The following TMC1 variants were observed in gnomAD, a reference collection of about 807,000 sequenced individuals.
TMC1 encodes transmembrane channel like 1, also known as transmembrane channel-like protein 1.
Under a neutral mutation model 105.8 loss-of-function variants are expected in TMC1, and 84 were observed. The ratio of observed to expected loss-of-function variants is 0.79; its 90% confidence interval spans 0.67 to 0.95. The LOEUF (loss-of-function observed/expected upper bound fraction) is 0.95. Among genes scored for constraint, TMC1 ranks in the 40% least tolerant of loss-of-function variants. The probability of loss-of-function intolerance (pLI) is 0.00; values close to 1 mark genes in which losing one functional copy is unlikely to be tolerated. For missense variants in TMC1, 817 were observed against 914.1 expected, an observed-to-expected ratio of 0.89 and a Z score of 1.37; for synonymous variants, 315 against 311.5, an observed-to-expected ratio of 1.01 and a Z score of -0.12.
chr9:72,554,746 A>G (rs1408383900), intron 1 of TMC1, among the ~76,000 whole-genome samples: 2 of 152,182 alleles, frequency 1.3e-5, no homozygotes, highest in Non-Finnish European at 2.9e-5. Flanking sequence ...TGTGATTTAT[A>G]AGGGGCTTTC....
chr9:72,815,353 A>T (rs562853454), intron 18 of TMC1, among the ~76,000 whole-genome samples: 3 of 152,156 alleles, frequency 2.0e-5, no homozygotes, highest in Non-Finnish European at 4.4e-5. Flanking sequence ...TATCCAAGAC[A>T]TGGAGACTGG....
chr9:72,763,787 T>A (rs549054206), intron 12 of TMC1, among the ~76,000 whole-genome samples: 44 of 148,584 alleles, frequency 3.0e-4, no homozygotes, highest in South Asian at 1.0e-3. Flanking sequence ...ACTAATTATT[T>A]TTTTTTTTTC....
chr9:72,744,832 A>G (rs1827462890), intron 10 of TMC1, among the ~76,000 whole-genome samples: 1 of 152,260 alleles, frequency 6.6e-6, no homozygotes, highest in East Asian at 1.9e-4. Context: ...CCAGTGAAAC[A>G]AAAACAGACA....
chr9:72,700,595 C>T lies in TMC1; in HGVS notation c.314C>T (p.Thr105Ile), dbSNP rs1391244700. 5.6e-6 allele frequency: 9 copies of T among 1,608,162 alleles called. No individual in the cohort carries two copies. The highest frequency in any genetic ancestry group is 7.6e-6 in the Non-Finnish European group (9 of 1,176,518). ...ELDEKRQIIATVKCKPWKMEK... is the reference protein window; with the variant it reads ...ELDEKRQIIAIVKCKPWKMEK... ...GATGAGAAAAGACAAATAATTGCTA[C>T]TGTCAAATGCAAACCATGGAAGATG... Residue 105 changes from threonine to isoleucine, a missense_variant, in exon 8 of 24, where the codon ACT becomes ATT. Thr to Ile is a moderately conservative substitution (Grantham distance 89). Coordinates refer to ENST00000297784, the MANE Select transcript of TMC1 (RefSeq NM_138691.3).
At chr9:72,806,932 T>C (rs1331202662) in intron 18 of TMC1, among the ~76,000 whole-genome samples, 1 of 152,146 alleles carries the variant, frequency 6.6e-6, no homozygotes, top group South Asian at 2.1e-4. Context: ...GTGGAGGTTG[T>C]AGCGAGCCGA....
chr9:72,708,356 T>C (rs764434665), intron 8 of TMC1, among the ~76,000 whole-genome samples: 1 of 152,238 alleles, frequency 6.6e-6, no homozygotes, highest in Non-Finnish European at 1.5e-5. Context: ...CTTTAGGTAG[T>C]ATGGTCATTT....
At chr9:72,730,986 T>C (rs1320132921) in intron 8 of TMC1, among the ~76,000 whole-genome samples, 1 of 152,238 alleles carries the variant, frequency 6.6e-6, no homozygotes, top group Non-Finnish European at 1.5e-5. Flanking sequence ...GAAGCTTCAC[T>C]CACTCGCCCA....
At chr9:72,525,959 G>A (rs932796149) in intron 1 of TMC1, among the ~76,000 whole-genome samples, 3 of 150,814 alleles carry the variant, frequency 2.0e-5, no homozygotes, top group African/African-American at 7.3e-5. Context: ...CTGCACTCCA[G>A]CCTGGATGAC....
intron 5 of TMC1, among the ~76,000 whole-genome samples, chr9:72,671,603 G>T (rs1436105809): frequency 1.3e-5 from 2 of 152,032 alleles, no homozygotes; most frequent in African/African-American, 4.8e-5. Flanking sequence ...AAGAAGAGAT[G>T]GGAGAAATAA....
At chr9:72,616,802 C>T (rs1825138225) in intron 3 of TMC1, among the ~76,000 whole-genome samples, 1 of 151,916 alleles carries the variant, frequency 6.6e-6, no homozygotes, top group Non-Finnish European at 1.5e-5. Flanking sequence ...TGCTCCCACC[C>T]ACTGCTGTTC....
chr9:72,742,710 A>C (rs749113935), intron 10 of TMC1, among the ~76,000 whole-genome samples, 185 bp downstream of exon 10: 5 of 152,194 alleles, frequency 3.3e-5, no homozygotes, highest in Admixed American at 6.5e-5. Context: ...ATTTGCTAGC[A>C]CTTACCAAGG....
intron 21 of TMC1, among the ~76,000 whole-genome samples, chr9:72,828,382 T>G (rs1468955787): frequency 6.6e-6 from 1 of 151,746 alleles, no homozygotes; most frequent in East Asian, 1.9e-4. Flanking sequence ...CCTTTGAGAG[T>G]CAAGGCCCTT....
chr9:72,638,975 A>G (rs1825580355), intron 4 of TMC1, among the ~76,000 whole-genome samples: 1 of 152,186 alleles, frequency 6.6e-6, no homozygotes, highest in African/African-American at 2.4e-5. Flanking sequence ...TTTACCGAAG[A>G]GCATAGAGAA....
At chr9:72,742,636 AAACAAAC>A in intron 10 of TMC1, 111 bp downstream of exon 10, 1 of 821,798 alleles carries the variant, frequency 1.2e-6, no homozygotes, top group Non-Finnish European at 1.9e-6. Context: ...AGAAACAAAC[AAACAAAC>A]AAACAAAAAC....
intron 1 of TMC1, among the ~76,000 whole-genome samples, chr9:72,543,021 A>G (rs1232819275): frequency 6.6e-6 from 1 of 152,008 alleles, no homozygotes; most frequent in African/African-American, 2.4e-5. Context: ...TATGCACTAG[A>G]CCTTCACTTG....
In TMC1 at chr9:72,792,320, C is replaced by T. The variant is rs200171616; in HGVS notation, c.1534C>T (p.Arg512Ter). The T allele has an allele frequency of 1.7e-4, 275 of 1,614,068 alleles. 1 individual carries two copies. Among genetic ancestry groups the T allele is most frequent in the Non-Finnish European group, 3.1e-5 (37 of 1,180,020 alleles). ...PFFVHPADVP[R>*]GPCWETMVGQ... ...TTTTGTTCACCCTGCAGATGTACCTCGAGGACCTTGCTGGGAAACAATGGT... is the reference window on the plus strand; with the variant it reads ...TTTTGTTCACCCTGCAGATGTACCTTGAGGACCTTGCTGGGAAACAATGGT... The change falls in exon 17 of 24, where the codon CGA becomes TGA. Residue 512 changes from arginine to a stop codon, truncating the protein, a stop_gained. Coordinates refer to ENST00000297784, the MANE Select transcript of TMC1 (RefSeq NM_138691.3). LOFTEE classifies it high-confidence loss of function.
At position 72,725,302 on chromosome 9, in the gene TMC1, A is replaced by C. The variant is rs572070592; in HGVS notation, c.363-14817A>C. Among the ~76,000 whole-genome samples, 90 of 143,496 alleles carry C rather than the reference A, an allele frequency of 6.3e-4. 1 individual carries two copies. The South Asian group carries it at 0.01, about 17-fold the overall frequency. 94.1% of individuals were successfully genotyped at this position (143,496 alleles called of 152,430 possible). A position where few individuals can be genotyped will look rare whatever the true frequency, so the allele number is the denominator to read the frequency against. On this transcript the variant is annotated intron_variant, in intron 8 of 23. Transcript: ENST00000297784. Reference sequence around the variant, plus strand: ...CTTAGACAACTCATAGGATACCCCCACACACACATTTTATGTGTGTATGTA... The same window carrying C: ...CTTAGACAACTCATAGGATACCCCCCCACACACATTTTATGTGTGTATGTA...
intron 12 of TMC1, among the ~76,000 whole-genome samples, chr9:72,766,004 C>T (rs111629470): frequency 4.5e-4 from 69 of 152,284 alleles, no homozygotes; most frequent in African/African-American, 1.5e-3. Context: ...CTGCCACATA[C>T]GACCTATGAG....
intron 10 of TMC1, among the ~76,000 whole-genome samples, chr9:72,742,928 A>G (rs1827414235): frequency 6.6e-6 from 1 of 152,224 alleles, no homozygotes; most frequent in Admixed American, 6.5e-5. Context: ...AAAATGAACA[A>G]TGTTTTAACA....
Sources: allele counts gnomAD v4.1 joint callset (sites outside exome capture counted in the v4.1 genomes callset), GRCh38; gene constraint gnomAD v4.1.1; transcripts MANE v1.5; gene names NCBI Gene and HGNC (gene_info 2026-07-23, HGNC 2026-07-21).